The following ELOA variants were observed in gnomAD, a reference collection of about 807,000 sequenced individuals.
The protein encoded by ELOA is elongin A.
Under a neutral mutation model 85.2 loss-of-function variants are expected in ELOA, and 15 were observed. The observed-to-expected ratio is 0.18, with a 90% confidence interval of 0.12 to 0.27. The LOEUF (loss-of-function observed/expected upper bound fraction) is 0.27. Ranked by LOEUF, ELOA falls within the 10% of genes least tolerant of loss-of-function variation. ELOA has a pLI of 1.00. For missense variants in ELOA, 769 were observed against 952.7 expected, an observed-to-expected ratio of 0.81 and a Z score of 2.54; for synonymous variants, 348 against 357.2, an observed-to-expected ratio of 0.97 and a Z score of 0.29.
At chr1:23,744,567 C>G (rs529189319) in intron 1 of ELOA, among the ~76,000 whole-genome samples, 1 of 152,068 alleles carries the variant, frequency 6.6e-6, no homozygotes, top group Non-Finnish European at 1.5e-5. Flanking sequence ...AATTGTCTGC[C>G]TCAGCCTCCC....
Position 23,750,939 on chromosome 1 carries a change from T to A in ELOA, c.334T>A (p.Tyr112Asn). ...LQKEEEMEGDYQETWKATGSR... is the reference protein window; with the variant it reads ...LQKEEEMEGDNQETWKATGSR... ...GAAGGAGGAGGAGATGGAGGGGGAC[T>A]ACCAAGAAACCTGGAAAGCCACGGG... Residue 112 changes from tyrosine to asparagine, a missense_variant, in exon 4 of 11, where the codon TAC (tyrosine) becomes AAC (asparagine). Transcript: ENST00000613537. 2 of 1,614,016 alleles carry A rather than the reference T, an allele frequency of 1.2e-6. No homozygotes were observed. The highest frequency in any genetic ancestry group is 1.7e-6 in the Non-Finnish European group (2 of 1,180,018).
chr1:23,751,728 A>G lies in ELOA; in HGVS notation c.1123A>G (p.Lys375Glu). The G allele has an allele frequency of 2.5e-6, 4 of 1,614,194 alleles. No homozygotes were observed. In the South Asian group the frequency reaches 4.4e-5, roughly 18 times the overall value. The change falls in exon 4 of 11, where the codon AAA becomes GAA. Residue 375 changes from lysine (K) to glutamate (E), a missense_variant. Lys to Glu is a moderately conservative substitution (Grantham distance 56, BLOSUM62 1). Around this residue, in one of 4 missense-constraint regions of ELOA, gnomAD observed 440 missense variants for 474.0 expected, o/e 0.93. Coordinates refer to ENST00000613537, the MANE Select transcript of ELOA (RefSeq NM_003198.3). ...TAACAACCTAAAGACTCCAGAAGGG[A>G]AAGTCAAAACTAATTTGGATAGAAA... ...GSNNLKTPEG[K>E]VKTNLDRKSL...
At chr1:23,744,601 C>T (rs932933579) in intron 1 of ELOA, among the ~76,000 whole-genome samples, 1 of 152,014 alleles carries the variant, frequency 6.6e-6, no homozygotes, top group South Asian at 2.1e-4. Context: ...TGTAGGCGCC[C>T]GCCACCACGC....
intron 1 of ELOA, among the ~76,000 whole-genome samples, chr1:23,745,025 C>T (rs543499464): frequency 1.2e-4 from 19 of 152,282 alleles, no homozygotes; most frequent in Non-Finnish European, 2.5e-4. Flanking sequence ...TTCCAAAGGC[C>T]GTACACAGCC....
chr1:23,744,790 T>G (rs1378278586), intron 1 of ELOA, among the ~76,000 whole-genome samples: 2 of 152,158 alleles, frequency 1.3e-5, no homozygotes, highest in Non-Finnish European at 2.9e-5. Context: ...TGGAACTCAG[T>G]CCTGGTGGAA....
chr1:23,754,284 A>T, intron 6 of ELOA, 29 bp downstream of exon 6: 1 of 1,613,964 alleles, frequency 6.2e-7, no homozygotes, highest in Non-Finnish European at 8.5e-7. Context: ...TCTAGCTCTC[A>T]AGCACATTGT....
rs1291850428 is a variant in ELOA at position 23,750,897 on chromosome 1, C to T, written c.292C>T (p.Pro98Ser). 1 of 1,609,518 alleles carries T rather than the reference C, an allele frequency of 6.2e-7. No homozygotes were observed. Among genetic ancestry groups the T allele is most frequent in the South Asian group, 1.1e-5 (1 of 90,374 alleles). Residue 98 changes from proline (P) to serine (S), a missense_variant, in exon 4 of 11, where the codon CCT becomes TCT. Physicochemically the swap from Pro to Ser is moderately conservative, Grantham distance 74. Coordinates refer to ENST00000613537, the MANE Select transcript of ELOA (RefSeq NM_003198.3). Reference sequence around the variant, plus strand: ...TGAGAAGAGCAATTCCCGAAAGCGCCCTCGGGATGCCCTGCAGAAGGAGGA... The same window carrying T: ...TGAGAAGAGCAATTCCCGAAAGCGCTCTCGGGATGCCCTGCAGAAGGAGGA... ...DFEKSNSRKR[P>S]RDALQKEEEM...
chr1:23,757,412 C>T (rs950206968), intron 10 of ELOA, among the ~76,000 whole-genome samples: 1 of 152,044 alleles, frequency 6.6e-6, no homozygotes, highest in Admixed American at 6.6e-5. Flanking sequence ...TCAAGACCAG[C>T]CTGGACAACA....
intron 5 of ELOA, among the ~76,000 whole-genome samples, chr1:23,753,539 A>G (rs1180690568): frequency 6.6e-6 from 1 of 152,182 alleles, no homozygotes; most frequent in African/African-American, 2.4e-5. Flanking sequence ...AGGGTCTATC[A>G]GCAGGAGACT....
intron 1 of ELOA, 69 bp downstream of exon 1, chr1:23,743,647 C>G: frequency 1.4e-6 from 2 of 1,386,242 alleles, no homozygotes; most frequent in Non-Finnish European, 1.9e-6. Flanking sequence ...GGTCGCGGCC[C>G]GAGCGTGGCG....
chr1:23,754,425 C>G lies in ELOA; in HGVS notation c.1756C>G (p.Pro586Ala), dbSNP rs1557455021. 6.2e-7 allele frequency: 1 copy of G among 1,614,134 alleles called. No individual in the cohort carries two copies. Among genetic ancestry groups the G allele is most frequent in the African/African-American group, 1.3e-5 (1 of 75,016 alleles). Residue 586 changes from proline (P) to alanine (A), a missense_variant, in exon 7 of 11, where the codon CCT becomes GCT. This residue lies in a region of ELOA where 193 missense variants were observed against 278.9 expected (regional missense o/e 0.69). Transcript: ENST00000613537. ...VLEPVLERCT[P>A]DQLYRIEEYN... ...TGAACCCGTTTTGGAGAGGTGTACA[C>G]CTGATCAGCTGTATCGCATAGAGGA... is the stretch of plus-strand genomic sequence containing the variant.
chr1:23,749,151 G>T, intron 2 of ELOA, 74 bp downstream of exon 2: 1 of 1,326,010 alleles, frequency 7.5e-7, no homozygotes, highest in Admixed American at 1.7e-5. Flanking sequence ...TGTAGAATAA[G>T]GTTACAAGTA....
intron 1 of ELOA, 69 bp downstream of exon 1, chr1:23,743,647 C>T (rs1243125121): frequency 1.4e-6 from 2 of 1,386,242 alleles, no homozygotes; most frequent in Non-Finnish European, 1.9e-6. Flanking sequence ...GGTCGCGGCC[C>T]GAGCGTGGCG....
Position 23,751,292 on chromosome 1 carries a change from C to T in ELOA, c.687C>T (p.His229=). 6.2e-7 allele frequency: 1 copy of T among 1,614,196 alleles called. No homozygotes were observed. The highest frequency in any genetic ancestry group is 8.5e-7 in the Non-Finnish European group (1 of 1,180,038). ...GACTCGGGGCCAGCCAAGAACGACA[C>T]CTGGGTGAACCCCATGGGAAAGGGG... ...QDRLGASQER[H]LGEPHGKGVV... The change falls in exon 4 of 11, where the codon CAC becomes CAT. Residue 229 remains histidine (H), a synonymous_variant. Transcript: ENST00000613537.
chr1:23,746,608 CAAAAAAAAAAAAA>C lies in ELOA; in HGVS notation c.76-2402_76-2390del, dbSNP rs55782205. Among the ~76,000 whole-genome samples the C allele has an allele frequency of 9.2e-3, 629 of 68,458 alleles. 8 individuals carry two copies. The highest frequency in any genetic ancestry group is 0.035 in the African/African-American group (604 of 17,486). The allele number at this position is 68,458 out of a possible 152,430, so 44.9% of individuals were successfully genotyped here. A position where few individuals can be genotyped will look rare whatever the true frequency, so the allele number is the denominator to read the frequency against. ...GACAACAAGAGCAAAACTCCATCTC[CAAAAAAAAAAAAA>C]AAAAAAAAAAGGATCCTCGTCCTGT... is the stretch of plus-strand genomic sequence containing the variant. On this transcript the variant is annotated intron_variant, in intron 1 of 10. Transcript: ENST00000613537.
In ELOA at chr1:23,750,933, G is replaced by T. The variant is rs755977406; in HGVS notation, c.328G>T (p.Gly110Trp). 6.2e-7 allele frequency: 1 copy of T among 1,614,104 alleles called. No homozygotes were observed. Among genetic ancestry groups the T allele is most frequent in the Non-Finnish European group, 8.5e-7 (1 of 1,180,032 alleles). Residue 110 changes from glycine to tryptophan, a missense_variant, in exon 4 of 11, where the codon GGG (glycine) becomes TGG (tryptophan). Transcript: ENST00000613537. Reference sequence around the variant, plus strand: ...CCTGCAGAAGGAGGAGGAGATGGAGGGGGACTACCAAGAAACCTGGAAAGC... The same window carrying T: ...CCTGCAGAAGGAGGAGGAGATGGAGTGGGACTACCAAGAAACCTGGAAAGC... ...DALQKEEEME[G>W]DYQETWKATG...
Position 23,751,672 on chromosome 1 carries a change from A to G in ELOA, c.1067A>G (p.Asp356Gly). 6.2e-7 allele frequency: 1 copy of G among 1,614,194 alleles called. No homozygotes were observed. The highest frequency in any genetic ancestry group is 1.6e-4 in the Middle Eastern group (1 of 6,062). Residue 356 changes from aspartate (D) to glycine (G), a missense_variant, in exon 4 of 11, where the codon GAC (aspartate) becomes GGC (glycine). Asp to Gly is a moderately conservative substitution (Grantham distance 94, BLOSUM62 -1). Transcript: ENST00000613537. ...DSFDTGKGAG[D>G]LLPKVKEKGS... ...TTTGACACAGGAAAAGGAGCAGGAGACCTGTTGCCCAAGGTAAAAGAGAAG... is the reference window on the plus strand; with the variant it reads ...TTTGACACAGGAAAAGGAGCAGGAGGCCTGTTGCCCAAGGTAAAAGAGAAG...
At chr1:23,752,954 A>C (rs1241864850) in intron 5 of ELOA, among the ~76,000 whole-genome samples, 2 of 151,718 alleles carry the variant, frequency 1.3e-5, no homozygotes, top group African/African-American at 4.8e-5. Flanking sequence ...AAAAAAAAGG[A>C]GTTCTAAACC....
intron 1 of ELOA, among the ~76,000 whole-genome samples, chr1:23,744,510 G>T (rs1032678422): frequency 1.3e-5 from 2 of 150,174 alleles, no homozygotes; most frequent in African/African-American, 4.9e-5. Flanking sequence ...CTGGAGTACA[G>T]TGGCGCGATC....
Sources: gnomAD v4.1 joint callset for allele counts (sites outside exome capture counted in the v4.1 genomes callset) on GRCh38, gnomAD v4.1.1 for gene constraint, gnomAD v4.1.1 regional missense constraint, MANE v1.5 for transcripts, NCBI Gene and HGNC (gene_info 2026-07-23, HGNC 2026-07-21) for gene names.